Variants in CNTN5 observed in about 807,000 individuals in gnomAD.
CNTN5 encodes the protein contactin 5.
In CNTN5, 77 loss-of-function variants were observed where a neutral mutation model predicts 129.1. That is an observed-to-expected ratio of 0.60 (90% confidence interval 0.50 to 0.72). CNTN5 has a LOEUF of 0.72. Ranked by LOEUF, CNTN5 falls within the 30% of genes least tolerant of loss-of-function variation. The pLI is 0.00. For missense variants in CNTN5, 1,478 were observed against 1,328.8 expected (o/e 1.11, Z -1.75); for synonymous variants, 509 against 465.6 (o/e 1.09, Z -1.20).
At chr11:99,252,695 C>G (rs1862173723) in intron 1 of CNTN5, among the ~76,000 whole-genome samples, 1 of 151,894 alleles carries the variant, frequency 6.6e-6, no homozygotes, top group African/African-American at 2.4e-5. Flanking sequence ...AGTTACTAAT[C>G]AATTAAATTG....
intron 3 of CNTN5, among the ~76,000 whole-genome samples, chr11:99,575,521 AG>A (rs1269383905): frequency 6.6e-6 from 1 of 152,218 alleles, no homozygotes; most frequent in African/African-American, 2.4e-5. Flanking sequence ...ATCTTGAGAA[AG>A]GCTGACGTGC....
chr11:99,881,434 G>A (rs1948769086), intron 6 of CNTN5, among the ~76,000 whole-genome samples: 1 of 152,196 alleles, frequency 6.6e-6, no homozygotes, highest in Non-Finnish European at 1.5e-5. Flanking sequence ...CATGGGGAAT[G>A]TATGGTACAT....
intron 1 of CNTN5, among the ~76,000 whole-genome samples, chr11:99,157,410 C>A (rs1860388341): frequency 6.6e-6 from 1 of 152,020 alleles, no homozygotes. Flanking sequence ...AAAACCCTCA[C>A]AGCAATTTTT....
chr11:99,065,162 C>T (rs1233636523), intron 1 of CNTN5, among the ~76,000 whole-genome samples: 3 of 136,420 alleles, frequency 2.2e-5, no homozygotes, highest in Non-Finnish European at 4.9e-5. Context: ...CTGTTAGAGT[C>T]TGTGTTTCCC....
intron 3 of CNTN5, among the ~76,000 whole-genome samples, chr11:99,699,737 A>G (rs572309173): frequency 6.6e-6 from 1 of 151,316 alleles, no homozygotes; most frequent in South Asian, 2.1e-4. Flanking sequence ...CCTCACTACC[A>G]CCTTTAGTGT....
chr11:99,167,953 G>T (rs10736523), intron 1 of CNTN5, among the ~76,000 whole-genome samples: 142,781 of 149,012 alleles, frequency 0.96, 68,277 homozygotes, highest in East Asian at 1. Context: ...TTTTTTTTTT[G>T]GAGATAGCAT....
intron 20 of CNTN5, 50 bp downstream of exon 20, chr11:100,299,446 A>G (rs779595271): frequency 5.8e-6 from 7 of 1,205,606 alleles, no homozygotes; most frequent in Non-Finnish European, 8.2e-6. Context: ...ACTTTGTTAT[A>G]CAAATAATCA....
Position 99,695,688 on chromosome 11 carries a change from C to T in CNTN5, c.56-123856C>T, listed in dbSNP as rs568814717. ...GGAGGTTTGAGACCAACCTGGGCAACGTAGGAACATAGACTCCATCTCTAC... is the reference window on the plus strand; with the variant it reads ...GGAGGTTTGAGACCAACCTGGGCAATGTAGGAACATAGACTCCATCTCTAC... On this transcript the variant is annotated intron_variant, in intron 3 of 24. Coordinates refer to ENST00000524871, the MANE Select transcript of CNTN5 (RefSeq NM_014361.4). Among the ~76,000 whole-genome samples, 196 of 151,794 alleles carry T rather than the reference C, an allele frequency of 1.3e-3. 1 individual carries two copies. Among genetic ancestry groups the T allele is most frequent in the Middle Eastern group, 0.01 (3 of 292 alleles).
intron 6 of CNTN5, among the ~76,000 whole-genome samples, chr11:99,863,489 G>C (rs1948270446): frequency 6.6e-6 from 1 of 152,098 alleles, no homozygotes; most frequent in African/African-American, 2.4e-5. Flanking sequence ...AAGTATCTAG[G>C]ATGTGAGGAA....
intron 1 of CNTN5, among the ~76,000 whole-genome samples, chr11:99,251,272 A>G (rs1178903276): frequency 2.0e-5 from 3 of 151,990 alleles, no homozygotes; most frequent in Non-Finnish European, 4.4e-5. Context: ...TTACTATAAG[A>G]GAAGAGATGT....
intron 1 of CNTN5, among the ~76,000 whole-genome samples, chr11:99,321,311 A>G (rs1249200521): frequency 6.6e-6 from 1 of 150,616 alleles, no homozygotes; most frequent in Non-Finnish European, 1.5e-5. Flanking sequence ...CTAATACAGA[A>G]AGGAGATTTT....
chr11:99,469,766 G>A (rs1411434019), intron 2 of CNTN5, among the ~76,000 whole-genome samples: 2 of 151,288 alleles, frequency 1.3e-5, no homozygotes, highest in African/African-American at 4.9e-5. Flanking sequence ...CTTTTGATTT[G>A]GAGTTGCACC....
intron 6 of CNTN5, among the ~76,000 whole-genome samples, chr11:99,866,455 G>A (rs1381975729): frequency 6.6e-6 from 1 of 151,974 alleles, no homozygotes; most frequent in African/African-American, 2.4e-5. Context: ...CATTTTTATT[G>A]TAATTTGCTG....
At chr11:99,882,412 A>G (rs978733571) in intron 6 of CNTN5, among the ~76,000 whole-genome samples, 2 of 152,132 alleles carry the variant, frequency 1.3e-5, no homozygotes, top group African/African-American at 4.8e-5. Flanking sequence ...AGCAGTAAAC[A>G]CCCAATAAAA....
chr11:100,070,950 C>T (rs983031493), intron 11 of CNTN5, among the ~76,000 whole-genome samples: 6 of 150,614 alleles, frequency 4.0e-5, no homozygotes, highest in Admixed American at 1.3e-4. Flanking sequence ...TAAAATTGCT[C>T]GGTATCTTCG....
chr11:99,276,914 T>C lies in CNTN5; in HGVS notation c.-209-48432T>C, dbSNP rs574093597. Reference sequence around the variant, plus strand: ...TCAAGATATTTGCACATAATACTTTTATAATTAGGATTATTGCAAAAGAAG... The same window carrying C: ...TCAAGATATTTGCACATAATACTTTCATAATTAGGATTATTGCAAAAGAAG... On this transcript the variant is annotated intron_variant, in intron 1 of 24. Coordinates refer to ENST00000524871, the MANE Select transcript of CNTN5 (RefSeq NM_014361.4). 1.3e-3 allele frequency among the ~76,000 whole-genome samples: 201 copies of C among 151,774 alleles called. 4 individuals are homozygous for C. Among genetic ancestry groups the C allele is most frequent in the Middle Eastern group, 6.8e-3 (2 of 294 alleles).
At chr11:100,337,458 A>G (rs1466342570) in intron 21 of CNTN5, 2 of 748,552 alleles carry the variant, frequency 2.7e-6, no homozygotes, top group Admixed American at 3.5e-5. Context: ...GTTGAATGTG[A>G]TTAAGTCTTA....
chr11:99,813,279 C>T (rs1408657639), intron 3 of CNTN5, among the ~76,000 whole-genome samples: 1 of 152,138 alleles, frequency 6.6e-6, no homozygotes, highest in African/African-American at 2.4e-5. Context: ...ATTTCTATTT[C>T]ACTGAGCCTC....
intron 2 of CNTN5, among the ~76,000 whole-genome samples, chr11:99,454,999 T>C (rs957332799): frequency 2.0e-5 from 3 of 152,124 alleles, no homozygotes; most frequent in East Asian, 1.9e-4. Flanking sequence ...GAAAATGCAC[T>C]GCATATAGAA....
Sources: allele counts gnomAD v4.1 joint callset (sites outside exome capture counted in the v4.1 genomes callset), GRCh38; gene constraint gnomAD v4.1.1; transcripts MANE v1.5; gene names NCBI Gene and HGNC (gene_info 2026-07-23, HGNC 2026-07-21).